SHROOM4: variants seen among roughly 807,000 people sequenced by gnomAD.
SHROOM4 encodes the protein protein Shroom4.
In SHROOM4, 17 loss-of-function variants were observed where a neutral mutation model predicts 80.3. The ratio of observed to expected loss-of-function variants is 0.21; its 90% CI spans 0.14 to 0.32. SHROOM4 has a LOEUF of 0.32. Ranked by LOEUF, SHROOM4 falls within the 10% of genes least tolerant of loss-of-function variation. SHROOM4 has a pLI of 1.00. For missense variants in SHROOM4, 993 were observed against 1,140.3 expected, an observed-to-expected ratio of 0.87 and a Z score of 1.86; for synonymous variants, 400 against 437.5, an observed-to-expected ratio of 0.91 and a Z score of 1.07.
intron 1 of SHROOM4, among the ~76,000 whole-genome samples, chrX:50,768,829 T>C (rs1557269501): frequency 8.9e-6 from 1 of 111,821 alleles, no homozygotes; most frequent in Non-Finnish European, 1.9e-5. Context: ...AAAACCTAGT[T>C]TCAGAATCCA....
chrX:50,776,157 G>A (rs782044778), intron 1 of SHROOM4, among the ~76,000 whole-genome samples: 3 of 111,123 alleles, frequency 2.7e-5, no homozygotes, highest in African/African-American at 9.8e-5. Context: ...ACACTGGGGC[G>A]AGGGGCAGCA....
chrX:50,716,356 C>G (rs1351006361), intron 1 of SHROOM4, among the ~76,000 whole-genome samples: 1 of 111,341 alleles, frequency 9.0e-6, no homozygotes, highest in Non-Finnish European at 1.9e-5. Context: ...AGTGTTCTCA[C>G]CACAAAAATG....
chrX:50,739,589 C>T (rs1247015476), intron 1 of SHROOM4, among the ~76,000 whole-genome samples: 2 of 110,945 alleles, frequency 1.8e-5, no homozygotes, highest in African/African-American at 6.6e-5. Flanking sequence ...ACATGCTCAT[C>T]ATCACTGGCC....
chrX:50,746,283 T>C (rs1360468559), intron 1 of SHROOM4, among the ~76,000 whole-genome samples: 1 of 111,811 alleles, frequency 8.9e-6, no homozygotes, highest in Non-Finnish European at 1.9e-5. Context: ...AATTAGCTTC[T>C]GTCACTATAG....
At chrX:50,630,315 A>G (rs781930959) in intron 4 of SHROOM4, among the ~76,000 whole-genome samples, 2 of 107,990 alleles carry the variant, frequency 1.9e-5, no homozygotes, top group South Asian at 8.7e-4. Context: ...TCTCAAGCTA[A>G]GCCAAAATGT....
At chrX:50,664,547 G>T (rs112286011) in intron 2 of SHROOM4, among the ~76,000 whole-genome samples, 3,847 of 111,294 alleles carry the variant, frequency 0.035, 177 homozygotes, top group African/African-American at 0.12. Context: ...TCATAATTAT[G>T]CATCATATGT....
intron 2 of SHROOM4, among the ~76,000 whole-genome samples, chrX:50,658,343 A>G (rs909683603): frequency 9.1e-6 from 1 of 110,454 alleles, no homozygotes; most frequent in Admixed American, 9.7e-5. Flanking sequence ...CCTCTTATTT[A>G]CCCCTCAAAT....
intron 2 of SHROOM4, 94 bp downstream of exon 2, chrX:50,695,692 T>TATA: frequency 1.0e-6 from 1 of 1,001,520 alleles, no homozygotes; most frequent in Non-Finnish European, 1.4e-6. Flanking sequence ...CTCTTTCCTT[T>TATA]ATAATATTGA....
At chrX:50,762,996 T>A (rs1416753902) in intron 1 of SHROOM4, among the ~76,000 whole-genome samples, 1 of 111,696 alleles carries the variant, frequency 9.0e-6, no homozygotes, top group Non-Finnish European at 1.9e-5. Flanking sequence ...CTGCCCCATT[T>A]ATACTCTTCT....
intron 1 of SHROOM4, among the ~76,000 whole-genome samples, chrX:50,778,782 A>T (rs1935563520): frequency 8.9e-6 from 1 of 112,400 alleles, no homozygotes; most frequent in Non-Finnish European, 1.9e-5. Context: ...CATAAAACTT[A>T]TTTATTATAG....
intron 1 of SHROOM4, among the ~76,000 whole-genome samples, chrX:50,805,282 A>C (rs1936205037): frequency 9.0e-6 from 1 of 111,217 alleles, no homozygotes; most frequent in Non-Finnish European, 1.9e-5. Flanking sequence ...CCCGAAACGA[A>C]AAATCAGTTT....
intron 1 of SHROOM4, among the ~76,000 whole-genome samples, chrX:50,699,134 A>AACAC (rs1380395595): frequency 8.9e-6 from 1 of 112,404 alleles, no homozygotes; most frequent in Non-Finnish European, 1.9e-5. Flanking sequence ...TGTCGGTATA[A>AACAC]ACACACATCA....
downstream of SHROOM4, among the ~76,000 whole-genome samples, chrX:50,583,666 G>A (rs782416963): frequency 3.6e-5 from 4 of 111,384 alleles, no homozygotes; most frequent in Non-Finnish European, 7.5e-5. Context: ...GCAGCCACTA[G>A]GAGGTGAGGG....
chrX:50,636,510 C>T (rs1051941481), intron 3 of SHROOM4, among the ~76,000 whole-genome samples: 2 of 110,389 alleles, frequency 1.8e-5, no homozygotes, highest in Non-Finnish European at 3.8e-5. Flanking sequence ...TCTTTTTCAA[C>T]CTTTATTTTA....
chrX:50,627,547 A>T, intron 5 of SHROOM4, 67 bp downstream of exon 5: 1 of 996,385 alleles, frequency 1.0e-6, no homozygotes, highest in Non-Finnish European at 1.4e-6. Flanking sequence ...CAAACCAAAG[A>T]CCTTAGCAAT....
intron 1 of SHROOM4, among the ~76,000 whole-genome samples, chrX:50,807,830 A>G (rs1379116843): frequency 8.9e-6 from 1 of 111,871 alleles, no homozygotes; most frequent in African/African-American, 3.3e-5. Context: ...TAGAGGCCTT[A>G]GGCAGGTATG....
chrX:50,806,409 G>A (rs962483852), intron 1 of SHROOM4, among the ~76,000 whole-genome samples: 3 of 112,149 alleles, frequency 2.7e-5, no homozygotes, highest in Non-Finnish European at 3.8e-5. Flanking sequence ...TGTGATGTGA[G>A]GAAGAATGGA....
intron 1 of SHROOM4, among the ~76,000 whole-genome samples, chrX:50,750,839 C>A (rs1213003389): frequency 1.8e-5 from 2 of 111,939 alleles, no homozygotes; most frequent in Non-Finnish European, 3.8e-5. Context: ...CAGTGCTGGG[C>A]ATTTAATAAA....
At chrX:50,618,317 T>G (rs1418021659) in intron 5 of SHROOM4, among the ~76,000 whole-genome samples, 1 of 1,662 alleles carries the variant, frequency 6.0e-4, no homozygotes, top group African/African-American at 2.1e-3. Context: ...CCTTCCTTCC[T>G]TCCTTCCTTC....
Sources: gnomAD v4.1 joint callset for allele counts (sites outside exome capture counted in the v4.1 genomes callset) on GRCh38, gnomAD v4.1.1 for gene constraint, MANE v1.5 for transcripts, NCBI Gene and HGNC (gene_info 2026-07-23, HGNC 2026-07-21) for gene names.